Variants in UNC5A observed in about 807,000 individuals in gnomAD.
UNC5A encodes the protein unc-5 netrin receptor A, also known as netrin receptor UNC5A.
Under a neutral mutation model 87.4 loss-of-function variants are expected in UNC5A, and 20 were observed. That is an observed-to-expected ratio of 0.23 (90% CI 0.16 to 0.33). UNC5A has a LOEUF of 0.33. UNC5A is among the 10% of genes least tolerant of loss of function. UNC5A has a pLI of 1.00. For missense variants in UNC5A, 844 were observed against 1,133.4 expected, an observed-to-expected ratio of 0.74 and a Z score of 3.67; for synonymous variants, 438 against 482.3, an observed-to-expected ratio of 0.91 and a Z score of 1.20.
intron 1 of UNC5A, among the ~76,000 whole-genome samples, chr5:176,843,795 G>A (rs545565301): frequency 2.0e-5 from 3 of 152,326 alleles, no homozygotes; most frequent in South Asian, 4.1e-4. Flanking sequence ...CCACTCGGCG[G>A]CTGGGCCCGG....
chr5:176,821,922 G>A (rs1756736783), intron 1 of UNC5A, among the ~76,000 whole-genome samples: 1 of 152,214 alleles, frequency 6.6e-6, no homozygotes, highest in Admixed American at 6.5e-5. Flanking sequence ...TTCCCAGGCT[G>A]GAAGGGACAG....
Position 176,848,079 on chromosome 5 carries a change from G to A in UNC5A, c.71-14545G>A, listed in dbSNP as rs1757455884. Among the ~76,000 whole-genome samples the A allele has an allele frequency of 6.7e-6, 1 of 150,012 alleles. No homozygotes were observed. On this transcript the variant is annotated intron_variant, in intron 1 of 14. Coordinates refer to ENST00000329542, the MANE Select transcript of UNC5A (RefSeq NM_133369.3). This position sits in a 1 kb window ranked among gnomAD's most constrained non-coding sequence, Gnocchi z 5.8. ...GAGGAGGCATCCAGCAGCCCCTCCA[G>A]GCCCCTACTGACCAGCTGACCAGCA... is the stretch of plus-strand genomic sequence containing the variant.
chr5:176,817,411 C>T (rs1756617309), intron 1 of UNC5A, among the ~76,000 whole-genome samples: 2 of 152,140 alleles, frequency 1.3e-5, no homozygotes. Context: ...GTGGAACTCC[C>T]GCGCCCCAGG....
intron 1 of UNC5A, among the ~76,000 whole-genome samples, chr5:176,836,708 C>T (rs1052573431): frequency 3.9e-5 from 6 of 152,182 alleles, no homozygotes; most frequent in Non-Finnish European, 5.9e-5. Context: ...CCCAGCCTGA[C>T]AGAGCGAACC....
chr5:176,862,049 C>G (rs1757853575), intron 1 of UNC5A, among the ~76,000 whole-genome samples: 1 of 152,254 alleles, frequency 6.6e-6, no homozygotes. Flanking sequence ...ATATTCAGGT[C>G]TCCTTGAAGG....
intron 6 of UNC5A, among the ~76,000 whole-genome samples, chr5:176,873,319 AT>A (rs370648040): frequency 0.011 from 1,629 of 148,656 alleles, 22 homozygotes; most frequent in African/African-American, 0.034. Flanking sequence ...TCTCTGTTGG[AT>A]TTTTTTTTTT....
intron 1 of UNC5A, among the ~76,000 whole-genome samples, chr5:176,818,817 C>T (rs1756657872): frequency 6.6e-6 from 1 of 152,210 alleles, no homozygotes; most frequent in African/African-American, 2.4e-5. Context: ...TCCCCATCCC[C>T]ATGCTGCCTC....
chr5:176,877,819 G>T, intron 10 of UNC5A, 75 bp from the exon 11 acceptor site: 1 of 1,521,060 alleles, frequency 6.6e-7, no homozygotes. Context: ...CCAGTCTCCG[G>T]CCACTTCTTG....
At chr5:176,877,336 C>A in intron 9 of UNC5A, 57 bp downstream of exon 9, 1 of 1,480,454 alleles carries the variant, frequency 6.8e-7, no homozygotes, top group South Asian at 1.2e-5. Flanking sequence ...TGCCTTCGGT[C>A]CCCAGGAAGC....
chr5:176,842,663 A>G (rs1757304112), intron 1 of UNC5A, among the ~76,000 whole-genome samples: 1 of 152,164 alleles, frequency 6.6e-6, no homozygotes, highest in Admixed American at 6.5e-5. Context: ...ATGAGGACGC[A>G]AAGGCAAAAG....
At chr5:176,854,282 C>G (rs892667697) in intron 1 of UNC5A, among the ~76,000 whole-genome samples, 6 of 149,992 alleles carry the variant, frequency 4.0e-5, no homozygotes, top group African/African-American at 7.6e-5. Flanking sequence ...CTGTCTCTGT[C>G]CCTGTCTCTG....
intron 13 of UNC5A, 47 bp from the exon 14 acceptor site, chr5:176,879,263 G>A: frequency 1.2e-5 from 19 of 1,528,372 alleles, no homozygotes; most frequent in Non-Finnish European, 1.7e-5. Context: ...GGTGGACCCG[G>A]GCCTGGGGAA....
chr5:176,843,380 A>G (rs1431090196), intron 1 of UNC5A, among the ~76,000 whole-genome samples: 2 of 151,538 alleles, frequency 1.3e-5, no homozygotes, highest in Non-Finnish European at 2.9e-5. Flanking sequence ...TCCATTCTGC[A>G]TGATCCCATT....
At chr5:176,859,068 C>A (rs1462939152) in intron 1 of UNC5A, among the ~76,000 whole-genome samples, 3 of 152,120 alleles carry the variant, frequency 2.0e-5, no homozygotes, top group African/African-American at 7.2e-5. Context: ...ATTTACCCCA[C>A]CCATGCCCTT....
intron 1 of UNC5A, among the ~76,000 whole-genome samples, chr5:176,818,924 C>G (rs370286859): frequency 1.3e-5 from 2 of 152,214 alleles, no homozygotes; most frequent in African/African-American, 2.4e-5. Context: ...TTTCCTCACC[C>G]GTAGCCCTGA....
chr5:176,849,723 G>A (rs1757494034), intron 1 of UNC5A, among the ~76,000 whole-genome samples: 2 of 152,266 alleles, frequency 1.3e-5, no homozygotes, highest in Non-Finnish European at 2.9e-5. Context: ...GGTCCAGAGA[G>A]GGAAGTGGCT....
At chr5:176,851,295 G>T (rs1194696383) in intron 1 of UNC5A, among the ~76,000 whole-genome samples, 3 of 152,212 alleles carry the variant, frequency 2.0e-5, no homozygotes, top group African/African-American at 4.8e-5. Flanking sequence ...GACTGTGTGG[G>T]TGCCGTGACG....
intron 1 of UNC5A, among the ~76,000 whole-genome samples, chr5:176,858,920 G>T (rs73341803): frequency 0.13 from 20,395 of 152,176 alleles, 2,068 homozygotes; most frequent in African/African-American, 0.28. Context: ...GACACCGAGG[G>T]GGGGACAGAC....
intron 1 of UNC5A, among the ~76,000 whole-genome samples, chr5:176,857,010 C>T (rs908907154): frequency 1.3e-5 from 2 of 152,266 alleles, no homozygotes; most frequent in Admixed American, 1.3e-4. Flanking sequence ...AGGGCCTCCC[C>T]TGTTCCCTTT....
Sources: gnomAD v4.1 joint callset for allele counts (sites outside exome capture counted in the v4.1 genomes callset) on GRCh38, gnomAD v4.1.1 for gene constraint, Gnocchi (gnomAD v3.1) non-coding constraint, MANE v1.5 for transcripts, NCBI Gene and HGNC (gene_info 2026-07-23, HGNC 2026-07-21) for gene names.